MGAT4C: variants seen among roughly 807,000 people sequenced by gnomAD.
MGAT4C encodes the protein alpha-1,3-mannosyl-glycoprotein 4-beta-N-acetylglucosaminyltransferase C.
In MGAT4C, 19 loss-of-function variants were observed where a neutral mutation model predicts 40.1. The observed-to-expected ratio is 0.47, with a 90% CI of 0.33 to 0.70. The LOEUF (loss-of-function observed/expected upper bound fraction) is 0.70, where lower values mean the gene tolerates loss of function less well. Ranked by LOEUF, MGAT4C falls within the 30% of genes least tolerant of loss-of-function variation. MGAT4C has a pLI of 0.02. For missense variants in MGAT4C, 491 were observed against 563.2 expected, an observed-to-expected ratio of 0.87 and a Z score of 1.30; for synonymous variants, 181 against 187.1, an observed-to-expected ratio of 0.97 and a Z score of 0.27.
chr12:86,239,608 G>T (rs1188525005), intron 1 of MGAT4C, among the ~76,000 whole-genome samples: 1 of 151,998 alleles, frequency 6.6e-6, no homozygotes, highest in Admixed American at 6.6e-5. Flanking sequence ...AAAGTAGGAA[G>T]AGAAATGTTA....
chr12:86,096,398 T>TCCTCC (rs370964610), intron 1 of MGAT4C, among the ~76,000 whole-genome samples: 4 of 149,202 alleles, frequency 2.7e-5, no homozygotes, highest in Admixed American at 1.3e-4. Flanking sequence ...TTGAATTAAC[T>TCCTCC]CCTCCCCTCC....
chr12:86,630,741 T>C (rs1475760060), intron 2 of MGAT4C, among the ~76,000 whole-genome samples: 2 of 152,158 alleles, frequency 1.3e-5, no homozygotes, highest in African/African-American at 2.4e-5. Context: ...TAGGTATTGA[T>C]GGATTGTATC....
chr12:86,183,283 G>A (rs1888328595), intron 1 of MGAT4C, among the ~76,000 whole-genome samples: 2 of 152,138 alleles, frequency 1.3e-5, no homozygotes, highest in South Asian at 2.1e-4. Context: ...TCCATCTTCA[G>A]AAGAAACTAT....
Position 86,181,496 on chromosome 12 carries a change from T to C in MGAT4C, c.-57+74743A>G, listed in dbSNP as rs373534731. Reference sequence around the variant, plus strand: ...ACTATATAGTATATAAAACTATTCATTATAGTAATCAATATTACAAACAAC... The same window carrying C: ...ACTATATAGTATATAAAACTATTCACTATAGTAATCAATATTACAAACAAC... On this transcript the variant is annotated intron_variant, in intron 1 of 4. Coordinates refer to ENST00000611864, the MANE Select transcript of MGAT4C (RefSeq NM_001351288.2). Among the ~76,000 whole-genome samples, 87 of 152,278 alleles carry C rather than the reference T, an allele frequency of 5.7e-4. No individual in the cohort carries two copies. In the South Asian group the frequency reaches 0.017, roughly 30 times the overall value.
rs113755432 is a variant in MGAT4C, at chr12:86,525,175, C to T, written c.-228-89910G>A. 3.5e-3 allele frequency among the ~76,000 whole-genome samples: 528 copies of T among 152,214 alleles called. 1 individual carries two copies. The highest frequency in any genetic ancestry group is 0.012 in the African/African-American group (494 of 41,528). ...TGGTGAGAAGTAACTGAATCATGGA[C>T]GCAGTTTCCTCCATGCTGTTCTCAT... is the stretch of plus-strand genomic sequence containing the variant. On this transcript the variant is annotated intron_variant, in intron 2 of 7. Coordinates refer to the MGAT4C transcript ENST00000548651.
chr12:85,997,077 G>T (rs1337899461), intron 2 of MGAT4C, among the ~76,000 whole-genome samples: 1 of 152,202 alleles, frequency 6.6e-6, no homozygotes, highest in Admixed American at 6.5e-5. Flanking sequence ...TGGACTTACA[G>T]TTCCACATGG....
intron 3 of MGAT4C, among the ~76,000 whole-genome samples, chr12:86,426,763 C>G (rs189954765): frequency 6.6e-6 from 1 of 151,996 alleles, no homozygotes; most frequent in East Asian, 1.9e-4. Flanking sequence ...CTGGCTAACA[C>G]GGTGAAACCC....
chr12:86,682,624 T>C (rs963014905), intron 2 of MGAT4C, among the ~76,000 whole-genome samples: 2 of 152,136 alleles, frequency 1.3e-5, no homozygotes, highest in African/African-American at 4.8e-5. Flanking sequence ...AAAAAAAGTT[T>C]CTTGTCACAT....
chr12:86,764,612 C>T (rs1056218744), intron 1 of MGAT4C, among the ~76,000 whole-genome samples: 2 of 147,960 alleles, frequency 1.4e-5, no homozygotes, highest in East Asian at 2.0e-4. Flanking sequence ...TGGGAGGCAC[C>T]CCCCAGTAGG....
intron 1 of MGAT4C, among the ~76,000 whole-genome samples, chr12:86,731,185 G>A (rs944542661): frequency 1.3e-5 from 2 of 152,208 alleles, no homozygotes; most frequent in Middle Eastern, 3.4e-3. Flanking sequence ...TTCAGTCTGT[G>A]GGGTGGTAGC....
chr12:86,101,390 AT>A (rs1444020325), intron 1 of MGAT4C, among the ~76,000 whole-genome samples: 1 of 151,882 alleles, frequency 6.6e-6, no homozygotes, highest in Non-Finnish European at 1.5e-5. Flanking sequence ...AAGAATAAGT[AT>A]TAAAGGAAAA....
chr12:86,459,630 G>C (rs925906324), intron 2 of MGAT4C, among the ~76,000 whole-genome samples: 1 of 151,256 alleles, frequency 6.6e-6, no homozygotes, highest in African/African-American at 2.4e-5. Context: ...TATGATCCTG[G>C]TAATACGCTG....
intron 1 of MGAT4C, among the ~76,000 whole-genome samples, chr12:86,740,394 AG>A (rs1464497947): frequency 6.6e-6 from 1 of 151,168 alleles, no homozygotes; most frequent in East Asian, 1.9e-4. Flanking sequence ...AAATTGAAGA[AG>A]TTTGTAGAAG....
At chr12:86,774,696 A>G (rs1258091200) in intron 1 of MGAT4C, among the ~76,000 whole-genome samples, 2 of 152,016 alleles carry the variant, frequency 1.3e-5, no homozygotes, top group Non-Finnish European at 2.9e-5. Flanking sequence ...ATGATTCTTT[A>G]TTACTATAAA....
At chr12:86,223,507 C>T (rs1404823699) in intron 1 of MGAT4C, among the ~76,000 whole-genome samples, 1 of 152,170 alleles carries the variant, frequency 6.6e-6, no homozygotes, top group African/African-American at 2.4e-5. Flanking sequence ...ACAGCTACCT[C>T]GCTAGCCTGC....
intron 1 of MGAT4C, among the ~76,000 whole-genome samples, chr12:86,058,329 T>A (rs914884113): frequency 3.9e-5 from 6 of 152,114 alleles, no homozygotes; most frequent in Admixed American, 1.3e-4. Flanking sequence ...AAAAAATCTA[T>A]AAAATATTTT....
chr12:86,799,173 T>C (rs1952182076), intron 1 of MGAT4C, among the ~76,000 whole-genome samples: 1 of 151,834 alleles, frequency 6.6e-6, no homozygotes, highest in African/African-American at 2.4e-5. Flanking sequence ...TCTTACCTTC[T>C]TTTGCCCTCA....
intron 3 of MGAT4C, among the ~76,000 whole-genome samples, chr12:86,408,081 G>GAC (rs150515619): frequency 1.5e-4 from 23 of 151,148 alleles, no homozygotes; most frequent in East Asian, 5.9e-4. Context: ...ATGGTATCAA[G>GAC]ACACACACAC....
chr12:86,632,354 C>T (rs1272044638), intron 2 of MGAT4C, among the ~76,000 whole-genome samples: 1 of 152,224 alleles, frequency 6.6e-6, no homozygotes, highest in East Asian at 1.9e-4. Flanking sequence ...GTGGCGATTC[C>T]TCAAGGATCG....
Sources: allele counts gnomAD v4.1 joint callset (sites outside exome capture counted in the v4.1 genomes callset), GRCh38; gene constraint gnomAD v4.1.1; transcripts MANE v1.5; gene names NCBI Gene and HGNC (gene_info 2026-07-23, HGNC 2026-07-21).